The following PJVK variants were observed in gnomAD, a reference collection of about 807,000 sequenced individuals.
PJVK encodes the protein pejvakin.
A neutral mutation model predicts 37.6 loss-of-function variants in PJVK; 33 were observed. That is an observed-to-expected ratio of 0.88 (90% CI 0.67 to 1.17). PJVK has a LOEUF of 1.17. Among genes scored for constraint, PJVK ranks in the 50% most tolerant of loss-of-function variants. The pLI, the probability that PJVK is intolerant of heterozygous loss-of-function variation, is 0.00. For synonymous variants in PJVK, 141 were observed against 143.5 expected (o/e 0.98, Z 0.13); for missense variants, 410 against 413.8 (o/e 0.99, Z 0.08).
intron 2 of PJVK, chr2:178,453,951 T>C: frequency 6.3e-6 from 2 of 318,584 alleles, no homozygotes; most frequent in Non-Finnish European, 1.2e-5. Flanking sequence ...GAGATGAAAA[T>C]AATTTGTATT....
At chr2:178,453,739 A>C (rs1697864156) in intron 2 of PJVK, 119 bp downstream of exon 2, 2 of 823,044 alleles carry the variant, frequency 2.4e-6, no homozygotes, top group Non-Finnish European at 4.0e-6. Context: ...AGCAACTTTT[A>C]TTATGATGTT....
chr2:178,458,214 TAAA>T (rs34944666), intron 4 of PJVK, among the ~76,000 whole-genome samples: 1 of 143,770 alleles, frequency 7.0e-6, no homozygotes. Flanking sequence ...GATTTCCTGT[TAAA>T]AAAAAAAAAA....
intron 1 of PJVK, among the ~76,000 whole-genome samples, chr2:178,452,082 A>G (rs1271471339): frequency 6.6e-6 from 1 of 152,034 alleles, no homozygotes; most frequent in African/African-American, 2.4e-5. Context: ...CGCCTGAAGT[A>G]AGCAGTTCGA....
At position 178,456,026 on chromosome 2, in the gene PJVK, C is replaced by T. The variant is rs1488721575; in HGVS notation, c.424C>T (p.His142Tyr). 4 of 1,613,824 alleles carry T rather than the reference C, an allele frequency of 2.5e-6. No individual in the cohort carries two copies. The highest frequency in any genetic ancestry group is 2.2e-5 in the East Asian group (1 of 44,890). The part of the protein sequence containing the change: ...EITTRKINFD[H>Y]SLIRQSRSSR... ...TTATTTTAGAAAAATTAACTTTGAC[C>T]ACAGCTTGATACGTCAGTCAAGGAG... is the stretch of plus-strand genomic sequence containing the variant. The change falls in exon 4 of 7, where the codon CAC (histidine) becomes TAC (tyrosine). Residue 142 changes from histidine to tyrosine, a missense_variant. His to Tyr is a moderately conservative substitution (Grantham distance 83, BLOSUM62 2). Transcript: ENST00000644580.
Position 178,454,413 on chromosome 2 carries a change from A to G in PJVK, c.293A>G (p.Asn98Ser). 1 of 1,614,056 alleles carries G rather than the reference A, an allele frequency of 6.2e-7. No homozygotes were observed. Among genetic ancestry groups the G allele is most frequent in the Non-Finnish European group, 8.5e-7 (1 of 1,179,976 alleles). The stretch of plus-strand genomic sequence containing the variant: ...GGAAGGCGAGGTAACCATATTGTAA[A>G]TGACGTTGGGATTAACGTTGCTGGA... ...LYGRRGNHIV[N>S]DVGINVAGSD... Residue 98 changes from asparagine to serine, a missense_variant, in exon 3 of 7, where the codon AAT (asparagine) becomes AGT (serine). By Grantham distance (46) the Asn-to-Ser change is conservative (BLOSUM62 1). Transcript: ENST00000644580.
rs1184614186 is a variant in PJVK at position 178,451,741 on chromosome 2, T to G, written c.-51T>G. ...CCGCCGGGCGGGCTCCTTTGTCTTC[T>G]GGGCTTTCGTCGCGAGATGGAACGC... On this transcript the variant is annotated 5_prime_UTR_variant, in exon 1 of 7. Coordinates refer to ENST00000644580, the MANE Select transcript of PJVK (RefSeq NM_001042702.5). 8.1e-6 allele frequency: 8 copies of G among 984,714 alleles called. No homozygotes were observed. The African/African-American group carries it at 1.4e-4, about 17-fold the overall frequency. The allele number at this position is 984,714 out of a possible 1,614,324, so 61.0% of individuals were successfully genotyped here.
At chr2:178,459,257 GC>G in intron 5 of PJVK, 1 of 469,698 alleles carries the variant, frequency 2.1e-6, no homozygotes. Flanking sequence ...AGGAAAGGCA[GC>G]CCCTAGCCAT....
chr2:178,454,698 T>G lies in PJVK; in HGVS notation c.407+171T>G. 12 of 1,501,816 alleles carry G rather than the reference T, an allele frequency of 8.0e-6. No homozygotes were observed. The South Asian group carries it at 1.4e-4, about 18-fold the overall frequency. 93.0% of individuals were successfully genotyped at this position (1,501,816 alleles called of 1,614,324 possible). On this transcript the variant is annotated intron_variant, in intron 3 of 6. Transcript: ENST00000644580. ...TCCAAACTTTGAATAAGGATAGATA[T>G]CAAAAATCACTTGGCTGAAGTCAGA...
chr2:178,456,353 A>G, intron 4 of PJVK: 1 of 636,744 alleles, frequency 1.6e-6, no homozygotes, highest in African/African-American at 1.8e-5. Context: ...CATGTGTAAT[A>G]TAATGCAAAA....
At chr2:178,453,319 A>T in intron 1 of PJVK, 69 bp from the exon 2 acceptor site, 2 of 1,288,806 alleles carry the variant, frequency 1.6e-6, no homozygotes, top group South Asian at 1.2e-5. Context: ...AATTATATTT[A>T]AAAACAAGCA....
intron 2 of PJVK, 30 bp downstream of exon 2, chr2:178,453,650 C>A: frequency 6.4e-7 from 1 of 1,565,050 alleles, no homozygotes; most frequent in Non-Finnish European, 8.8e-7. Flanking sequence ...AGTGCCAACT[C>A]ATTCATCTGT....
At chr2:178,453,946 G>A in intron 2 of PJVK, 1 of 318,038 alleles carries the variant, frequency 3.1e-6, no homozygotes, top group South Asian at 3.8e-5. Context: ...CAAATGAGAT[G>A]AAAATAATTT....
rs1480118662 is a variant in PJVK, at chr2:178,461,000, T to A, written c.785T>A (p.Val262Asp). ...LFERNRRVMD[V>D]ISRSQLYLDD... ...CTTTTAGATAGAAGAGTGATGGATG[T>A]CATTTCTCGTTCACAGCTTTACTTG... Residue 262 changes from valine (V) to aspartate (D), a missense_variant, in exon 7 of 7, where the codon GTC becomes GAC. Transcript: ENST00000644580. 6.2e-7 allele frequency: 1 copy of A among 1,613,980 alleles called. No individual in the cohort carries two copies. Among genetic ancestry groups the A allele is most frequent in the Non-Finnish European group, 8.5e-7 (1 of 1,180,012 alleles).
intron 2 of PJVK, chr2:178,454,088 G>A (rs899040535): frequency 2.0e-5 from 8 of 399,474 alleles, no homozygotes; most frequent in Non-Finnish European, 3.7e-5. Flanking sequence ...ATTGCCCGGT[G>A]GATCTTGATG....
At chr2:178,451,971 A>G (rs1368398758) in intron 1 of PJVK, 6 of 529,832 alleles carry the variant, frequency 1.1e-5, no homozygotes, top group African/African-American at 2.1e-5. Context: ...TGCTTGCACA[A>G]TGCTATTCGT....
In PJVK at chr2:178,458,974, CAG is replaced by C. The variant is rs1384030628; in HGVS notation, c.667+350_667+351del. 3.9e-5 allele frequency among the ~76,000 whole-genome samples: 6 copies of C among 152,132 alleles called. No individual in the cohort carries two copies. In the East Asian group the frequency reaches 1.2e-3, roughly 29 times the overall value. On this transcript the variant is annotated intron_variant, in intron 5 of 6. Transcript: ENST00000644580. ...ATAGGTAGTTTTTGATGGTGGCAAACAGAGGAGTAGGTAGATAGTAGGATGCC... is the reference window on the plus strand; with the variant it reads ...ATAGGTAGTTTTTGATGGTGGCAAACAGGAGTAGGTAGATAGTAGGATGCC...
Position 178,453,534 on chromosome 2 carries a change from G to A in PJVK, c.125G>A (p.Arg42Gln), listed in dbSNP as rs746022606. 25 of 1,614,054 alleles carry A rather than the reference G, an allele frequency of 1.5e-5. No homozygotes were observed. Among genetic ancestry groups the A allele is most frequent in the African/African-American group, 2.7e-5 (2 of 75,028 alleles). The stretch of plus-strand genomic sequence containing the variant: ...CTAAGTCTGGTGGTAAAAAAGAAGC[G>A]ATGCTTTCTGTTTCCTAGATATAAA... ...QPLSLVVKKK[R>Q]CFLFPRYKFT... Residue 42 changes from arginine (R) to glutamine (Q), a missense_variant, in exon 2 of 7, where the codon CGA becomes CAA. Transcript: ENST00000644580.
At chr2:178,460,851 A>T in intron 6 of PJVK, 131 bp from the exon 7 acceptor site, 1 of 342,012 alleles carries the variant, frequency 2.9e-6, no homozygotes, top group African/African-American at 2.2e-5. Flanking sequence ...CCTGTCTCAA[A>T]AAAAAAAAAA....
At chr2:178,456,230 G>C in intron 4 of PJVK, 79 bp downstream of exon 4, 1 of 1,543,956 alleles carries the variant, frequency 6.5e-7, no homozygotes, top group Middle Eastern at 1.7e-4. Context: ...TTTCTAGTCA[G>C]GCTTGTGTAT....
Sources: allele counts gnomAD v4.1 joint callset (sites outside exome capture counted in the v4.1 genomes callset), GRCh38; gene constraint gnomAD v4.1.1; transcripts MANE v1.5; gene names NCBI Gene and HGNC (gene_info 2026-07-23, HGNC 2026-07-21).